ANXA8: variants seen among roughly 807,000 people sequenced by gnomAD.
ANXA8 encodes annexin A8, also known as VAC-beta.
Under a neutral mutation model 26.8 loss-of-function variants are expected in ANXA8, and 9 were observed. That is an observed-to-expected ratio of 0.34 (90% CI 0.20 to 0.59). The LOEUF is 0.59. Among genes scored for constraint, ANXA8 ranks in the 20% least tolerant of loss-of-function variants. ANXA8 has a pLI of 0.84. For missense variants in ANXA8, 83 were observed against 238.5 expected, an observed-to-expected ratio of 0.35 and a Z score of 4.29; for synonymous variants, 39 against 94.8, an observed-to-expected ratio of 0.41 and a Z score of 3.42.
chr10:47,560,577 G>C, the ANXA8 span, among the ~76,000 whole-genome samples: 1 of 151,796 alleles, frequency 6.6e-6, no homozygotes, highest in Non-Finnish European at 1.5e-5. Context: ...GTTGAGATTT[G>C]CCTGTTTGAC....
chr10:47,748,235 G>A, the ANXA8 span, among the ~76,000 whole-genome samples: 3 of 146,738 alleles, frequency 2.0e-5, no homozygotes, highest in African/African-American at 7.5e-5. Flanking sequence ...TTGAGACGGA[G>A]TTTTTCTTTG....
the ANXA8 span, among the ~76,000 whole-genome samples, chr10:47,570,757 A>C: frequency 6.6e-6 from 1 of 150,744 alleles, no homozygotes; most frequent in Middle Eastern, 3.4e-3. Flanking sequence ...TAAGTGACAA[A>C]ACAAGACCAC....
At chr10:47,706,976 A>G in the ANXA8 span, among the ~76,000 whole-genome samples, 3 of 142,506 alleles carry the variant, frequency 2.1e-5, no homozygotes, top group Middle Eastern at 3.6e-3. Context: ...TTTTCAATTT[A>G]TATATTGTGT....
the ANXA8 span, among the ~76,000 whole-genome samples, chr10:47,648,435 A>G: frequency 6.7e-6 from 1 of 149,938 alleles, no homozygotes; most frequent in Admixed American, 6.6e-5. Context: ...AGACCTCAGT[A>G]TTTTCTTTTT....
At chr10:47,475,026 C>G in intron 6 of ANXA8, 22 bp from the exon 7 acceptor site, 2 of 1,534,278 alleles carry the variant, frequency 1.3e-6, no homozygotes, top group Non-Finnish European at 1.8e-6. Context: ...GGAGGTGGCT[C>G]TGTAAGGCAG....
chr10:47,624,080 C>CA, the ANXA8 span, among the ~76,000 whole-genome samples: 629 of 90,608 alleles, frequency 6.9e-3, 90 homozygotes, highest in East Asian at 0.019. Flanking sequence ...ACTAAAAATA[C>CA]AAAAAAAAAA....
chr10:47,672,905 G>A, the ANXA8 span, among the ~76,000 whole-genome samples: 30,987 of 145,084 alleles, frequency 0.21, 1,998 homozygotes, highest in East Asian at 0.44. Context: ...AAAACCCATC[G>A]AAGAGCTGAG....
At chr10:47,607,339 C>G in the ANXA8 span, among the ~76,000 whole-genome samples, 1 of 139,680 alleles carries the variant, frequency 7.2e-6, no homozygotes, top group East Asian at 2.1e-4. Context: ...TGCCAGTATT[C>G]AAATGTCTGC....
chr10:47,958,430 G>C, the ANXA8 span, among the ~76,000 whole-genome samples: 1 of 146,432 alleles, frequency 6.8e-6, no homozygotes, highest in Non-Finnish European at 1.5e-5. Flanking sequence ...AGTCAGCCGA[G>C]ATCGAGCCAC....
At chr10:47,976,623 C>T in the ANXA8 span, among the ~76,000 whole-genome samples, 1 of 147,820 alleles carries the variant, frequency 6.8e-6, no homozygotes, top group Non-Finnish European at 1.5e-5. Flanking sequence ...AGCCTGGTAG[C>T]CACTGGGGAG....
At chr10:47,721,104 C>T in the ANXA8 span, among the ~76,000 whole-genome samples, 1 of 141,462 alleles carries the variant, frequency 7.1e-6, no homozygotes, top group African/African-American at 2.6e-5. Context: ...GCTATGTTTG[C>T]ACCACTGCAC....
chr10:47,469,392 C>T (rs1472677535), intron 11 of ANXA8, among the ~76,000 whole-genome samples: 1 of 151,730 alleles, frequency 6.6e-6, no homozygotes, highest in Non-Finnish European at 1.5e-5. Context: ...GCCCCTTCAC[C>T]TCTGTGGGAC....
the ANXA8 span, among the ~76,000 whole-genome samples, chr10:47,495,205 A>C: frequency 6.7e-6 from 1 of 149,898 alleles, no homozygotes; most frequent in Non-Finnish European, 1.5e-5. Flanking sequence ...ACAGAGAAAC[A>C]GAGAATTCCA....
At chr10:47,584,946 C>T in the ANXA8 span, among the ~76,000 whole-genome samples, 18 of 146,724 alleles carry the variant, frequency 1.2e-4, no homozygotes, top group South Asian at 3.6e-3. Context: ...AAATTAGCCA[C>T]GCATGGTGGC....
the ANXA8 span, among the ~76,000 whole-genome samples, chr10:47,519,165 A>G: frequency 7.3e-6 from 1 of 136,524 alleles, no homozygotes; most frequent in Admixed American, 7.4e-5. Context: ...TCATTATGGT[A>G]ATTTAAAAGG....
At chr10:47,725,551 ATATC>A in the ANXA8 span, among the ~76,000 whole-genome samples, 1 of 136,858 alleles carries the variant, frequency 7.3e-6, no homozygotes, top group South Asian at 2.2e-4. Context: ...TGGCATGTGG[ATATC>A]TAGTTGTCCC....
At chr10:47,556,963 A>T in the ANXA8 span, among the ~76,000 whole-genome samples, 1 of 147,180 alleles carries the variant, frequency 6.8e-6, no homozygotes, top group Non-Finnish European at 1.5e-5. Flanking sequence ...CAGTACATTG[A>T]TGCTGCTAAA....
the ANXA8 span, among the ~76,000 whole-genome samples, chr10:47,982,059 T>C: frequency 6.6e-6 from 1 of 150,710 alleles, no homozygotes; most frequent in Admixed American, 6.6e-5. Context: ...GAGGCTAAGT[T>C]GGGAGGATTG....
At chr10:47,679,963 T>C in the ANXA8 span, among the ~76,000 whole-genome samples, 3 of 152,008 alleles carry the variant, frequency 2.0e-5, no homozygotes, top group Admixed American at 6.5e-5. Context: ...AAATAAATTC[T>C]GGTGTTCGGT....
Sources: allele counts gnomAD v4.1 joint callset (sites outside exome capture counted in the v4.1 genomes callset), GRCh38; gene constraint gnomAD v4.1.1; transcripts MANE v1.5; gene names NCBI Gene and HGNC (gene_info 2026-07-23, HGNC 2026-07-21).